Variants in SLC17A4 observed in about 807,000 individuals in gnomAD.
SLC17A4 encodes the protein solute carrier family 17 member 4.
SLC17A4 carries 33 observed loss-of-function variants against 52.5 expected under a neutral mutation model. That is an observed-to-expected ratio of 0.63 (90% confidence interval 0.48 to 0.84). The LOEUF is 0.84. Ranked by LOEUF, SLC17A4 falls within the 40% of genes least tolerant of loss-of-function variation. SLC17A4 has a pLI of 0.00. For synonymous variants in SLC17A4, 225 were observed against 216.2 expected (o/e 1.04, Z -0.36); for missense variants, 585 against 597.1 (o/e 0.98, Z 0.21).
chr6:25,759,180 T>A (rs756895140), intron 1 of SLC17A4, among the ~76,000 whole-genome samples: 4 of 152,190 alleles, frequency 2.6e-5, no homozygotes, highest in Non-Finnish European at 4.4e-5. Context: ...ATAATTTCGA[T>A]TTCCTTAAAT....
intron 11 of SLC17A4, among the ~76,000 whole-genome samples, chr6:25,778,851 A>G (rs1164582335): frequency 6.6e-6 from 1 of 152,192 alleles, no homozygotes; most frequent in Non-Finnish European, 1.5e-5. Flanking sequence ...TATCTGGAGG[A>G]GGAGCGTTCC....
At chr6:25,759,955 T>C (rs1761389477) in intron 1 of SLC17A4, among the ~76,000 whole-genome samples, 1 of 152,228 alleles carries the variant, frequency 6.6e-6, no homozygotes, top group Admixed American at 6.5e-5. Context: ...TTTACAAATA[T>C]TGCTTTAAGG....
rs920805969 is a variant in SLC17A4 at position 25,780,264 on chromosome 6, G to C, written c.*1076G>C. 6.6e-6 allele frequency: 1 copy of C among 152,212 alleles called. No homozygotes were observed. The highest frequency in any genetic ancestry group is 6.5e-5 in the Admixed American group (1 of 15,276). The allele number at this position is 152,212 out of a possible 1,614,324, so 9.4% of individuals were successfully genotyped here. A position where few individuals can be genotyped will look rare whatever the true frequency, so the allele number is the denominator to read the frequency against. ...ATCAAATCATACACAGTATTAAGGA[G>C]TTCAGTGTCTCGGGAGGGCAGATAA... On this transcript the variant is annotated 3_prime_UTR_variant, in exon 12 of 12. Coordinates refer to ENST00000377905, the MANE Select transcript of SLC17A4 (RefSeq NM_005495.3).
Position 25,778,976 on chromosome 6 carries a change from C to T in SLC17A4, c.1360-78C>T, listed in dbSNP as rs572212587. The T allele has an allele frequency of 9.1e-5, 144 of 1,573,774 alleles. No homozygotes were observed. The East Asian group carries it at 2.9e-3, about 32-fold the overall frequency. ...GGAGGTCGGGGAGGGAGCAGGAGGA[C>T]ACAGAGCCAAAGCCTTTCTGAACCA... On this transcript the variant is annotated intron_variant, in intron 11 of 11. Coordinates refer to ENST00000377905, the MANE Select transcript of SLC17A4 (RefSeq NM_005495.3).
chr6:25,773,242 C>A (rs764092769), intron 6 of SLC17A4, 33 bp from the exon 7 acceptor site: 1 of 1,494,964 alleles, frequency 6.7e-7, no homozygotes, highest in Admixed American at 1.7e-5. Context: ...GTACTTCAAT[C>A]CATCCAGTGC....
chr6:25,755,048 T>TACACACACACAC (rs35878702), intron 1 of SLC17A4, among the ~76,000 whole-genome samples: 15 of 145,054 alleles, frequency 1.0e-4, no homozygotes, highest in African/African-American at 3.6e-4. Context: ...CACACACACA[T>TACACACACACAC]ACACACACAC....
chr6:25,779,090 TC>T lies in SLC17A4; in HGVS notation c.1397del (p.Ser466Ter). 2 of 1,613,884 alleles carry T rather than the reference TC, an allele frequency of 1.2e-6. No homozygotes were observed. Among genetic ancestry groups the T allele is most frequent in the East Asian group, 4.5e-5 (2 of 44,882 alleles). On this transcript the variant is annotated frameshift_variant, in exon 12 of 12. Coordinates refer to ENST00000377905, the MANE Select transcript of SLC17A4 (RefSeq NM_005495.3). LOFTEE classifies it low-confidence loss of function (END_TRUNC). Reference protein sequence around the residue: ...EFGWRNVFLLSAAVNISGLVF... With the variant: ...EFGWRNVFLLXAAVNISGLVF... ...TGGTTGGAGAAATGTCTTCTTGCTT[TC>T]AGCTGCTGTTAACATATCGGGCCTG... is the stretch of plus-strand genomic sequence containing the variant.
At chr6:25,755,659 A>C (rs998745279) in intron 1 of SLC17A4, among the ~76,000 whole-genome samples, 10 of 152,188 alleles carry the variant, frequency 6.6e-5, no homozygotes, top group African/African-American at 2.2e-4. Flanking sequence ...AAATAAATAG[A>C]TAAGGCTGAT....
chr6:25,756,094 G>C lies in SLC17A4; in HGVS notation c.-37+1313G>C, dbSNP rs187614882. ...TTGGTTCTCAATCTTGTCCTTTACA[G>C]CCCATGTGCCACACAGTGGCCATAG... On this transcript the variant is annotated intron_variant, in intron 1 of 11. Transcript: ENST00000377905. Among the ~76,000 whole-genome samples, 4 of 152,206 alleles carry C rather than the reference G, an allele frequency of 2.6e-5. No homozygotes were observed. In the East Asian group the frequency reaches 7.7e-4, roughly 29 times the overall value.
chr6:25,776,983 C>T (rs765088150), intron 10 of SLC17A4, 24 bp downstream of exon 10: 1 of 1,583,182 alleles, frequency 6.3e-7, no homozygotes, highest in Non-Finnish European at 8.6e-7. Flanking sequence ...TTGCCTCATC[C>T]TTTCAGACAC....
At chr6:25,754,729 G>A (rs562433862), upstream of SLC17A4, 1 of 152,282 alleles carries the variant, frequency 6.6e-6, no homozygotes, top group East Asian at 1.9e-4. Flanking sequence ...ATTGCAAAGA[G>A]CTTAGAATAT....
chr6:25,769,681 A>C (rs1327201998), intron 3 of SLC17A4, among the ~76,000 whole-genome samples: 2 of 152,184 alleles, frequency 1.3e-5, no homozygotes, highest in East Asian at 3.8e-4. Context: ...GAATAAATGA[A>C]ACATTTTACC....
At chr6:25,776,553 G>T (rs371906654) in intron 8 of SLC17A4, 42 bp from the exon 9 acceptor site, 17 of 1,553,000 alleles carry the variant, frequency 1.1e-5, no homozygotes, top group African/African-American at 1.4e-5. Context: ...CGTGGTGGGG[G>T]TGGTAAGGGC....
At chr6:25,761,832 T>C (rs1761561337) in intron 1 of SLC17A4, 95 bp from the exon 2 acceptor site, 1 of 676,680 alleles carries the variant, frequency 1.5e-6, no homozygotes, top group Non-Finnish European at 2.4e-6. Flanking sequence ...CCACTTTTCT[T>C]ATACAGCAAC....
At chr6:25,763,441 T>C (rs1000273680) in intron 2 of SLC17A4, among the ~76,000 whole-genome samples, 1 of 152,218 alleles carries the variant, frequency 6.6e-6, no homozygotes, top group Non-Finnish European at 1.5e-5. Context: ...GAGTGCTTTG[T>C]CAGTTGGTGT....
Position 25,770,370 on chromosome 6 carries a change from AT to A in SLC17A4, c.532-9del, listed in dbSNP as rs1250435743. ...ATGACCTCAGATCTCCAAGAATGGA[AT>A]TTTTCCCCCCAGGTTATGGTATTAA... On this transcript the variant is annotated splice_polypyrimidine_tract_variant and intron_variant, in intron 4 of 11. Coordinates refer to ENST00000377905, the MANE Select transcript of SLC17A4 (RefSeq NM_005495.3). The A allele has an allele frequency of 2.5e-6, 4 of 1,613,880 alleles. No homozygotes were observed. Among genetic ancestry groups the A allele is most frequent in the Non-Finnish European group, 3.4e-6 (4 of 1,179,938 alleles).
chr6:25,765,205 G>A (rs1761905518), intron 2 of SLC17A4, among the ~76,000 whole-genome samples: 1 of 152,224 alleles, frequency 6.6e-6, no homozygotes, highest in African/African-American at 2.4e-5. Flanking sequence ...GATAAAAAAA[G>A]AAATTGACAG....
intron 2 of SLC17A4, among the ~76,000 whole-genome samples, chr6:25,764,505 C>G (rs960611698): frequency 4.6e-5 from 7 of 152,216 alleles, no homozygotes; most frequent in Non-Finnish European, 7.3e-5. Flanking sequence ...ATTATTCCTA[C>G]CACACACTAC....
At chr6:25,755,006 A>G (rs534547234) in intron 1 of SLC17A4, among the ~76,000 whole-genome samples, 12 of 151,428 alleles carry the variant, frequency 7.9e-5, no homozygotes, top group African/African-American at 2.9e-4. Context: ...AAATTTTCTA[A>G]AAGTATAGCT....
Sources: gnomAD v4.1 joint callset for allele counts (sites outside exome capture counted in the v4.1 genomes callset) on GRCh38, gnomAD v4.1.1 for gene constraint, MANE v1.5 for transcripts, NCBI Gene and HGNC (gene_info 2026-07-23, HGNC 2026-07-21) for gene names.